The following ACSBG2 variants were observed in gnomAD, a reference collection of about 807,000 sequenced individuals.
ACSBG2 encodes long-chain-fatty-acid--CoA ligase ACSBG2.
Under a neutral mutation model 74.7 loss-of-function variants are expected in ACSBG2, and 62 were observed. The ratio of observed to expected loss-of-function variants is 0.83; its 90% confidence interval spans 0.68 to 1.03. The LOEUF (loss-of-function observed/expected upper bound fraction) is 1.03, where lower values mean the gene tolerates loss of function less well. Ranked by LOEUF, ACSBG2 falls within the 50% of genes least tolerant of loss-of-function variation. The probability of loss-of-function intolerance (pLI) is 0.00; values close to 1 mark genes in which losing one functional copy is unlikely to be tolerated. For synonymous variants in ACSBG2, 309 were observed against 294.1 expected (o/e 1.05, Z -0.52); for missense variants, 730 against 817.6 (o/e 0.89, Z 1.31).
intron 4 of ACSBG2, among the ~76,000 whole-genome samples, chr19:6,153,369 C>G (rs577151025): frequency 2.2e-4 from 34 of 152,316 alleles, no homozygotes; most frequent in African/African-American, 7.9e-4. Context: ...TAGGTGCCAT[C>G]ATGATCCCAA....
chr19:6,144,787 C>T (rs994344067), intron 2 of ACSBG2, among the ~76,000 whole-genome samples: 16 of 151,516 alleles, frequency 1.1e-4, no homozygotes, highest in Admixed American at 3.9e-4. Context: ...CTCTGCCTCC[C>T]GGGTTCAAGT....
chr19:6,166,923 G>A (rs2089827585), intron 7 of ACSBG2, among the ~76,000 whole-genome samples: 1 of 152,074 alleles, frequency 6.6e-6, no homozygotes, highest in South Asian at 2.1e-4. Context: ...ACAGGCGTGA[G>A]CCACAGCACC....
At chr19:6,150,344 A>G (rs2089193003) in intron 3 of ACSBG2, among the ~76,000 whole-genome samples, 1 of 150,756 alleles carries the variant, frequency 6.6e-6, no homozygotes, top group Non-Finnish European at 1.5e-5. Flanking sequence ...ATTTAACAAA[A>G]AAAAAAAAAA....
At chr19:6,181,809 A>AC (rs1487682988) in intron 8 of ACSBG2, among the ~76,000 whole-genome samples, 3 of 28,350 alleles carry the variant, frequency 1.1e-4, no homozygotes, top group African/African-American at 2.7e-4. Context: ...AATAGTCCCC[A>AC]CCCGCCCCCC....
chr19:6,142,905 A>G (rs2088898812), intron 2 of ACSBG2, among the ~76,000 whole-genome samples: 1 of 152,150 alleles, frequency 6.6e-6, no homozygotes, highest in South Asian at 2.1e-4. Flanking sequence ...TTATGGGTCC[A>G]AAGGGTGGAA....
In ACSBG2 at chr19:6,170,398, G is replaced by C. The variant is rs143077921; in HGVS notation, c.738+4383G>C. The stretch of plus-strand genomic sequence containing the variant: ...GAATCACATTTATTGATTTGTGTAT[G>C]TTGAACCATCCTTGCATCCCAGGAA... On this transcript the variant is annotated intron_variant, in intron 7 of 14. Transcript: ENST00000588485. Among the ~76,000 whole-genome samples, 20 of 152,258 alleles carry C rather than the reference G, an allele frequency of 1.3e-4. 1 individual carries two copies. In the East Asian group the frequency reaches 3.9e-3, roughly 29 times the overall value.
intron 8 of ACSBG2, among the ~76,000 whole-genome samples, chr19:6,179,275 C>T (rs1407569239): frequency 2.8e-5 from 4 of 144,106 alleles, no homozygotes; most frequent in Non-Finnish European, 6.1e-5. Flanking sequence ...TGAAAGAACA[C>T]TTTGATTTCT....
Position 6,183,245 on chromosome 19 carries a change from C to T in ACSBG2, c.1295C>T (p.Ser432Phe). 1.2e-6 allele frequency: 2 copies of T among 1,614,130 alleles called. No individual in the cohort carries two copies. Among genetic ancestry groups the T allele is most frequent in the Non-Finnish European group, 1.7e-6 (2 of 1,180,020 alleles). The change falls in exon 10 of 15, where the codon TCC (serine) becomes TTC (phenylalanine). Residue 432 changes from serine (S) to phenylalanine (F), a missense_variant. Coordinates refer to ENST00000588485, the MANE Select transcript of ACSBG2 (RefSeq NM_030924.5). ...GAGAGCTCGGGACCCCACACGATAT[C>T]CAACCAGAATAACTACAGGCTTCTA... Reference protein sequence around the residue: ...LSESSGPHTISNQNNYRLLSC... With the variant: ...LSESSGPHTIFNQNNYRLLSC...
rs2088538933 is a variant in ACSBG2, at chr19:6,135,729, A to G, written c.-212A>G. On this transcript the variant is annotated 5_prime_UTR_variant, in exon 1 of 15. Coordinates refer to ENST00000588485, the MANE Select transcript of ACSBG2 (RefSeq NM_030924.5). ...CATCCTCCTGCCTCCCACCACCACC[A>G]TCATCCTGGCTGGACGGAGAGGGTG... The G allele has an allele frequency of 6.6e-6, 1 of 152,278 alleles. No homozygotes were observed. Among genetic ancestry groups the G allele is most frequent in the African/African-American group, 2.4e-5 (1 of 41,416 alleles). 9.4% of individuals were successfully genotyped at this position (152,278 alleles called of 1,614,324 possible). A position where few individuals can be genotyped will look rare whatever the true frequency, so the allele number is the denominator to read the frequency against.
chr19:6,171,895 A>G (rs1753745333), intron 7 of ACSBG2, among the ~76,000 whole-genome samples: 2 of 152,142 alleles, frequency 1.3e-5, no homozygotes, highest in South Asian at 4.1e-4. Context: ...CATTTCTCAA[A>G]TACTTTGGGT....
chr19:6,190,339 C>T (rs1466572210), intron 13 of ACSBG2: 1 of 475,600 alleles, frequency 2.1e-6, no homozygotes, highest in African/African-American at 2.0e-5. Flanking sequence ...GCACAGTCCA[C>T]ATCAGGCACA....
At chr19:6,171,575 A>G (rs1480190612) in intron 7 of ACSBG2, among the ~76,000 whole-genome samples, 1 of 152,178 alleles carries the variant, frequency 6.6e-6, no homozygotes, top group Non-Finnish European at 1.5e-5. Context: ...TTCTGCTAAG[A>G]AATCCACTGT....
intron 13 of ACSBG2, 68 bp from the exon 14 acceptor site, chr19:6,190,515 TG>T: frequency 7.4e-7 from 1 of 1,350,726 alleles, no homozygotes; most frequent in Non-Finnish European, 1.1e-6. Flanking sequence ...CTCTGTTGCC[TG>T]GTCATGCATG....
chr19:6,168,439 A>G (rs901662609), intron 7 of ACSBG2, among the ~76,000 whole-genome samples: 21 of 152,118 alleles, frequency 1.4e-4, no homozygotes, highest in African/African-American at 5.1e-4. Context: ...TCCTTAGAAA[A>G]TTTTGACACT....
chr19:6,159,234 A>G (rs1378068537), intron 5 of ACSBG2, among the ~76,000 whole-genome samples: 1 of 152,230 alleles, frequency 6.6e-6, no homozygotes, highest in East Asian at 1.9e-4. Flanking sequence ...CTGGGATTAC[A>G]GGCATGAACC....
intron 7 of ACSBG2, among the ~76,000 whole-genome samples, chr19:6,167,769 A>G (rs1421046945): frequency 6.6e-6 from 1 of 152,236 alleles, no homozygotes; most frequent in African/African-American, 2.4e-5. Flanking sequence ...TTTTGCTATA[A>G]CAACAAGGAA....
At chr19:6,153,891 A>AGG (rs1284989851) in intron 4 of ACSBG2, among the ~76,000 whole-genome samples, 30 of 120,516 alleles carry the variant, frequency 2.5e-4, no homozygotes, top group Non-Finnish European at 2.7e-4. Context: ...AAGGAAAAGA[A>AGG]AAAAGAAAAG....
At chr19:6,140,417 C>T (rs1321028910) in intron 1 of ACSBG2, among the ~76,000 whole-genome samples, 7 of 152,096 alleles carry the variant, frequency 4.6e-5, no homozygotes, top group South Asian at 4.1e-4. Context: ...CAATGGCTTA[C>T]GCCTGTAATG....
intron 4 of ACSBG2, among the ~76,000 whole-genome samples, chr19:6,152,551 ATT>A (rs746612699): frequency 9.9e-5 from 2 of 20,248 alleles, no homozygotes; most frequent in Non-Finnish European, 1.5e-4. Flanking sequence ...CGGCCTCCCA[ATT>A]TTTTTTTTTT....
Sources: gnomAD v4.1 joint callset for allele counts (sites outside exome capture counted in the v4.1 genomes callset) on GRCh38, gnomAD v4.1.1 for gene constraint, MANE v1.5 for transcripts, NCBI Gene and HGNC (gene_info 2026-07-23, HGNC 2026-07-21) for gene names.